The following CLTC variants were observed in gnomAD, a reference collection of about 807,000 sequenced individuals.
CLTC encodes clathrin heavy chain, also known as clathrin heavy chain 1.
In CLTC, 16 loss-of-function variants were observed where a neutral mutation model predicts 195.8. The observed-to-expected ratio is 0.08, with a 90% CI of 0.06 to 0.12. The LOEUF (loss-of-function observed/expected upper bound fraction) is 0.12. Among genes scored for constraint, CLTC ranks in the 10% least tolerant of loss-of-function variants. CLTC has a pLI of 1.00. For synonymous variants in CLTC, 667 were observed against 689.4 expected (o/e 0.97, Z 0.51); for missense variants, 796 against 2,027.0 (o/e 0.39, Z 11.66).
rs9898877 is a variant in CLTC at position 59,648,994 on chromosome 17, T to C, written c.681+593T>C. On this transcript the variant is annotated intron_variant, in intron 4 of 31. Transcript: ENST00000269122. This position sits in a 1 kb window ranked among gnomAD's most constrained non-coding sequence, Gnocchi z 4.5. ...TTTAAATACCTTATATGGCTTGATATAGAGGCAATGTAGACTACAGGTGAA... is the reference window on the plus strand; with the variant it reads ...TTTAAATACCTTATATGGCTTGATACAGAGGCAATGTAGACTACAGGTGAA... Among the ~76,000 whole-genome samples the C allele has an allele frequency of 0.056, 8,514 of 152,266 alleles. 792 individuals carry two copies. The highest frequency in any genetic ancestry group is 0.19 in the African/African-American group (8,053 of 41,524).
In CLTC at chr17:59,666,657, C is replaced by T. The variant is rs546028923; in HGVS notation, c.1947+13C>T. The T allele has an allele frequency of 3.1e-6, 5 of 1,604,966 alleles. No individual in the cohort carries two copies. The highest frequency in any genetic ancestry group is 2.2e-5 in the East Asian group (1 of 44,738). ...TCTTAACCCTGAGGTATTTCAGTTT[C>T]TTACCTAATAGATGGTGTTAGTTGT... On this transcript the variant is annotated intron_variant, in intron 12 of 31. Transcript: ENST00000269122. This position sits in a 1 kb window ranked among gnomAD's most constrained non-coding sequence, Gnocchi z 4.9.
At chr17:59,661,318 A>G in intron 7 of CLTC, 125 bp from the exon 8 acceptor site, 1 of 706,922 alleles carries the variant, frequency 1.4e-6, no homozygotes. Flanking sequence ...CATTCCTTTA[A>G]GATTGACCTA....
intron 1 of CLTC, among the ~76,000 whole-genome samples, chr17:59,633,378 A>G (rs1435837587): frequency 2.6e-5 from 4 of 152,122 alleles, no homozygotes; most frequent in Admixed American, 6.6e-5. Flanking sequence ...CTGTAGTCCC[A>G]GCTACTCAGG....
intron 2 of CLTC, among the ~76,000 whole-genome samples, chr17:59,646,851 CGGT>C (rs748265867): frequency 8.5e-5 from 13 of 152,226 alleles, no homozygotes; most frequent in Admixed American, 3.9e-4. Context: ...TATCTTAAGC[CGGT>C]TAAATGTAGC....
chr17:59,692,056 C>T (rs373509162), intron 31 of CLTC, among the ~76,000 whole-genome samples: 3 of 152,160 alleles, frequency 2.0e-5, no homozygotes, highest in South Asian at 4.1e-4. Context: ...CAGTGGCTCA[C>T]GCCTGTAATC....
chr17:59,637,027 C>T (rs2031883863), intron 1 of CLTC, among the ~76,000 whole-genome samples: 1 of 151,272 alleles, frequency 6.6e-6, no homozygotes, highest in African/African-American at 2.4e-5. Flanking sequence ...GGTAATCCAC[C>T]CACCTTAGCC....
chr17:59,667,221 A>T (rs897700281), intron 13 of CLTC, among the ~76,000 whole-genome samples: 2 of 152,142 alleles, frequency 1.3e-5, no homozygotes, highest in Non-Finnish European at 2.9e-5. Context: ...TTTAAGAGAA[A>T]AATATGTAGT....
At chr17:59,637,346 G>A (rs1261704047) in intron 1 of CLTC, among the ~76,000 whole-genome samples, 2 of 151,224 alleles carry the variant, frequency 1.3e-5, no homozygotes, top group Admixed American at 1.3e-4. Flanking sequence ...CTGGGTTCAC[G>A]CCATTCTCCT....
At chr17:59,675,308 C>A (rs987825320) in intron 16 of CLTC, among the ~76,000 whole-genome samples, 3 of 152,038 alleles carry the variant, frequency 2.0e-5, no homozygotes, top group African/African-American at 7.3e-5. Flanking sequence ...ATTTACAGTA[C>A]CTTAACATGA....
rs774733471 is a variant in CLTC, at chr17:59,683,607, T to C, written c.4192-18T>C. 6.2e-7 allele frequency: 1 copy of C among 1,613,838 alleles called. No homozygotes were observed. The highest frequency in any genetic ancestry group is 2.2e-5 in the East Asian group (1 of 44,860). On this transcript the variant is annotated intron_variant, in intron 26 of 31. Coordinates refer to ENST00000269122, the MANE Select transcript of CLTC (RefSeq NM_004859.4). This position sits in a 1 kb window ranked among gnomAD's most constrained non-coding sequence, Gnocchi z 6.1. ...CATTAGGAAGTAACTGACTTATGTA[T>C]GGATTTTCCCATTGTAGGTTGCCAA...
chr17:59,646,477 C>A (rs193177740), intron 2 of CLTC, among the ~76,000 whole-genome samples: 3 of 145,516 alleles, frequency 2.1e-5, no homozygotes, highest in East Asian at 2.2e-4. Flanking sequence ...CCCCAGCACC[C>A]GAATCTTAAA....
chr17:59,679,961 C>T (rs1447073139), intron 18 of CLTC, among the ~76,000 whole-genome samples: 1 of 151,798 alleles, frequency 6.6e-6, no homozygotes, highest in East Asian at 1.9e-4. Flanking sequence ...GCAGGAAAAT[C>T]GCTTGAACCC....
At chr17:59,638,442 A>C (rs529899818) in intron 1 of CLTC, among the ~76,000 whole-genome samples, 29 of 152,196 alleles carry the variant, frequency 1.9e-4, no homozygotes, top group African/African-American at 6.3e-4. Context: ...TGTCATCTCA[A>C]ATGTTTCATA....
At chr17:59,684,261 T>C (rs190224018) in intron 28 of CLTC, 394 of 307,046 alleles carry the variant, frequency 1.3e-3, no homozygotes, top group African/African-American at 8.0e-3. Context: ...AAAATGTCTT[T>C]GACCACTTAA....
chr17:59,643,518 T>A (rs2032103904), intron 1 of CLTC, among the ~76,000 whole-genome samples: 1 of 152,306 alleles, frequency 6.6e-6, no homozygotes, highest in Middle Eastern at 3.4e-3. Context: ...GCCTGTAGAA[T>A]AAACTCAGGA....
chr17:59,628,713 C>T (rs549856797), intron 1 of CLTC, among the ~76,000 whole-genome samples: 4 of 152,218 alleles, frequency 2.6e-5, no homozygotes, highest in African/African-American at 7.2e-5. Context: ...GGCTGGAGTA[C>T]GGTGGTGCAA....
intron 6 of CLTC, among the ~76,000 whole-genome samples, chr17:59,658,994 A>G (rs559624645): frequency 2.6e-5 from 4 of 152,286 alleles, no homozygotes; most frequent in South Asian, 4.1e-4. Flanking sequence ...CTATCTATCT[A>G]TTTGGTTCAC....
intron 15 of CLTC, 161 bp from the exon 16 acceptor site, chr17:59,674,540 A>G (rs1404228461): frequency 8.6e-6 from 5 of 583,890 alleles, no homozygotes; most frequent in Non-Finnish European, 1.5e-5. Context: ...AAATTCCTCT[A>G]TCTAGTTGCA....
chr17:59,636,950 T>C (rs2143473395), intron 1 of CLTC, among the ~76,000 whole-genome samples: 1 of 148,644 alleles, frequency 6.7e-6, no homozygotes. Flanking sequence ...TTTTTTTTTT[T>C]TTTGTATTTT....
Sources: allele counts gnomAD v4.1 joint callset (sites outside exome capture counted in the v4.1 genomes callset), GRCh38; gene constraint gnomAD v4.1.1; non-coding constraint Gnocchi (gnomAD v3.1); transcripts MANE v1.5; gene names NCBI Gene and HGNC (gene_info 2026-07-23, HGNC 2026-07-21).